Variants in CEP170B observed in about 807,000 individuals in gnomAD.
The protein encoded by CEP170B is centrosomal protein of 170 kDa protein B.
CEP170B carries 55 observed loss-of-function variants against 120.6 expected under a neutral mutation model. That is an observed-to-expected ratio of 0.46 (90% CI 0.37 to 0.57). The LOEUF (loss-of-function observed/expected upper bound fraction) is 0.57, where lower values mean the gene tolerates loss of function less well. Among genes scored for constraint, CEP170B ranks in the 20% least tolerant of loss-of-function variants. The pLI, the probability that CEP170B is intolerant of heterozygous loss-of-function variation, is 0.00. For missense variants in CEP170B, 2,212 were observed against 2,253.3 expected (o/e 0.98, Z 0.37); for synonymous variants, 1,033 against 954.5 (o/e 1.08, Z -1.52).
In CEP170B at chr14:104,896,428, A is replaced by C. The variant is rs1595366170; in HGVS notation, c.*1470A>C. 1.4e-5 allele frequency: 5 copies of C among 357,058 alleles called. No homozygotes were observed. Among genetic ancestry groups the C allele is most frequent in the South Asian group, 4.0e-5 (2 of 50,288 alleles). 22.1% of individuals were successfully genotyped at this position (357,058 alleles called of 1,614,324 possible). ...AGCCCGGTCCACCGGGCTGCTGCCC[A>C]CCCCTGCATGCCCCAGTTGCCCACC... On this transcript the variant is annotated 3_prime_UTR_variant, in exon 19 of 19. Coordinates refer to ENST00000414716, the MANE Select transcript of CEP170B (RefSeq NM_001112726.3).
intron 6 of CEP170B, among the ~76,000 whole-genome samples, chr14:104,882,415 G>A (rs1188919930): frequency 6.6e-6 from 1 of 152,136 alleles, no homozygotes; most frequent in Non-Finnish European, 1.5e-5. Context: ...CCATGCCCCA[G>A]GGGATGAGCC....
In CEP170B at chr14:104,893,565, GT is replaced by G. The variant is rs1896950496; in HGVS notation, c.4082del (p.Val1361GlyfsTer6). The G allele has an allele frequency of 6.2e-7, 1 of 1,605,458 alleles. No homozygotes were observed. Among genetic ancestry groups the G allele is most frequent in the Non-Finnish European group, 8.5e-7 (1 of 1,177,334 alleles). On this transcript the variant is annotated frameshift_variant, in exon 15 of 19. Coordinates refer to ENST00000414716, the MANE Select transcript of CEP170B (RefSeq NM_001112726.3). LOFTEE classifies it high-confidence loss of function. The stretch of plus-strand genomic sequence containing the variant: ...CGAGGCCAGCCTCAACTTCCAGAAG[GT>G]GCCGCCCGGCTCGCTGAACTCTCGG... The part of the protein sequence containing the change: ...IPEASLNFQK[V>X]PPGSLNSRDF...
At chr14:104,875,002 G>T (rs888538492) in intron 2 of CEP170B, among the ~76,000 whole-genome samples, 5 of 152,222 alleles carry the variant, frequency 3.3e-5, no homozygotes, top group Non-Finnish European at 7.3e-5. Context: ...TAGGAAGGAG[G>T]CCCTGCCCTG....
In CEP170B at chr14:104,878,469, G is replaced by A; in HGVS notation, c.301G>A (p.Val101Met). 2 of 1,612,406 alleles carry A rather than the reference G, an allele frequency of 1.2e-6. No individual in the cohort carries two copies. Among genetic ancestry groups the A allele is most frequent in the Non-Finnish European group, 1.7e-6 (2 of 1,179,770 alleles). The change falls in exon 5 of 19, where the codon GTG becomes ATG. Residue 101 changes from valine to methionine, a missense_variant. Physicochemically the swap from Val to Met is conservative, Grantham distance 21. Coordinates refer to ENST00000414716, the MANE Select transcript of CEP170B (RefSeq NM_001112726.3). ...TTCCAACATGTATGTGCTGGAGCGT[G>A]TGCAGCACCGAGTCCCGGAGGAGGC... The part of the protein sequence containing the change: ...YDSNMYVLER[V>M]QHRVPEEALK...
chr14:104,872,415 T>A (rs1190883435), intron 2 of CEP170B, among the ~76,000 whole-genome samples: 1 of 122,826 alleles, frequency 8.1e-6, no homozygotes, highest in East Asian at 2.4e-4. Flanking sequence ...GGGTGTGCCG[T>A]GGGTGTGCCG....
rs781177491 is a variant in CEP170B at position 104,886,399 on chromosome 14, G to T, written c.2160G>T (p.Arg720Ser). Residue 720 changes from arginine (R) to serine (S), a missense_variant, in exon 12 of 19, where the codon AGG (arginine) becomes AGT (serine). Coordinates refer to ENST00000414716, the MANE Select transcript of CEP170B (RefSeq NM_001112726.3). ...DSPAGPESSRRSGPGPPELDS... is the reference protein window; with the variant it reads ...DSPAGPESSRSSGPGPPELDS... ...CTGCGGGCCCAGAGAGCAGCAGGAG[G>T]AGTGGGCCTGGGCCACCGGAGCTGG... The T allele has an allele frequency of 6.3e-7, 1 of 1,582,830 alleles. No individual in the cohort carries two copies. The highest frequency in any genetic ancestry group is 8.6e-7 in the Non-Finnish European group (1 of 1,165,990).
At chr14:104,872,355 T>C (rs1230266783) in intron 2 of CEP170B, among the ~76,000 whole-genome samples, 2 of 80,778 alleles carry the variant, frequency 2.5e-5, no homozygotes, top group South Asian at 8.9e-4. Flanking sequence ...TGTGCGTGTG[T>C]GTGCCGCGTG....
rs1895601931 is a variant in CEP170B at position 104,872,428 on chromosome 14, C to CCAT, written c.106-3828_106-3827insCAT. Reference sequence around the variant, plus strand: ...GTGGGTGTGCCGTGGGTGTGCCGTGCGTGTGTGCGTGTGTGTGCCATGTGT... The same window carrying CCAT: ...GTGGGTGTGCCGTGGGTGTGCCGTGCCATGTGTGTGCGTGTGTGTGCCATGTGT... On this transcript the variant is annotated intron_variant, in intron 2 of 18. Transcript: ENST00000414716. Among the ~76,000 whole-genome samples the CCAT allele has an allele frequency of 8.2e-4, 24 of 29,220 alleles. 3 individuals are homozygous for CCAT. Among genetic ancestry groups the CCAT allele is most frequent in the African/African-American group, 1.9e-3 (23 of 11,858 alleles). 19.2% of individuals were successfully genotyped at this position (29,220 alleles called of 152,430 possible). A position where few individuals can be genotyped will look rare whatever the true frequency, so the allele number is the denominator to read the frequency against.
At chr14:104,892,491 C>A (rs543020513) in intron 13 of CEP170B, among the ~76,000 whole-genome samples, 6 of 151,852 alleles carry the variant, frequency 4.0e-5, no homozygotes, top group African/African-American at 1.5e-4. Context: ...CCAGCCCCCA[C>A]CCTCAGTGTG....
rs1212343419 is a variant in CEP170B, at chr14:104,868,830, T to C, written c.105+275T>C. ...GAGGGGGCTTAGGCTTTTGTCAGGT[T>C]CTCAAAGTTGTTGGGGTCCCTAGAA... On this transcript the variant is annotated intron_variant, in intron 2 of 18. Coordinates refer to ENST00000414716, the MANE Select transcript of CEP170B (RefSeq NM_001112726.3). The surrounding 1 kb of genome is among the most constrained non-coding windows in gnomAD (Gnocchi z 5.9). 6.6e-6 allele frequency among the ~76,000 whole-genome samples: 1 copy of C among 152,154 alleles called. No homozygotes were observed. Among genetic ancestry groups the C allele is most frequent in the Non-Finnish European group, 1.5e-5 (1 of 68,018 alleles).
chr14:104,872,330 G>A (rs1485680629), intron 2 of CEP170B, among the ~76,000 whole-genome samples: 1 of 129,818 alleles, frequency 7.7e-6, no homozygotes, highest in African/African-American at 3.0e-5. Flanking sequence ...GTGGGTGTGC[G>A]TGGGTGTGCG....
chr14:104,873,418 T>C (rs1458026569), intron 2 of CEP170B, among the ~76,000 whole-genome samples: 1 of 151,598 alleles, frequency 6.6e-6, no homozygotes, highest in Non-Finnish European at 1.5e-5. Context: ...AGCCTGACTG[T>C]GGCCTGGGTG....
intron 9 of CEP170B, 135 bp downstream of exon 9, chr14:104,884,684 G>A: frequency 9.2e-6 from 4 of 436,146 alleles, no homozygotes; most frequent in Non-Finnish European, 1.6e-5. Flanking sequence ...GAGCCCTCGT[G>A]GGGAACGGGG....
chr14:104,877,833 G>GCCCC, intron 3 of CEP170B, 52 bp from the exon 4 acceptor site: 24 of 359,742 alleles, frequency 6.7e-5, no homozygotes, highest in Admixed American at 2.9e-4. Flanking sequence ...CCTGCCCACA[G>GCCCC]CCACCCACCC....
In CEP170B at chr14:104,887,665, T is replaced by A; in HGVS notation, c.3426T>A (p.Gly1142=). The change falls in exon 12 of 19, where the codon GGT becomes GGA. Residue 1142 remains glycine, a synonymous_variant. Transcript: ENST00000414716. ...GDASDTEAAD[G]ERGSLGNPEP... ...CTTCAGACACTGAGGCTGCGGATGG[T>A]GAGCGGGGGTCCCTGGGCAACCCTG... 1.3e-6 allele frequency: 2 copies of A among 1,568,442 alleles called. No individual in the cohort carries two copies. Among genetic ancestry groups the A allele is most frequent in the Non-Finnish European group, 1.7e-6 (2 of 1,159,546 alleles).
intron 6 of CEP170B, among the ~76,000 whole-genome samples, chr14:104,881,289 C>T (rs1440113072): frequency 6.8e-6 from 1 of 147,354 alleles, no homozygotes; most frequent in Non-Finnish European, 1.5e-5. Context: ...GTGGAGGGGT[C>T]GGGGTGGGGT....
rs766330902 is a variant in CEP170B at position 104,870,366 on chromosome 14, C to G, written c.105+1811C>G. 1.3e-5 allele frequency among the ~76,000 whole-genome samples: 2 copies of G among 152,214 alleles called. No individual in the cohort carries two copies. The highest frequency in any genetic ancestry group is 2.9e-5 in the Non-Finnish European group (2 of 68,034). ...AGTTCTCAAGCCATCTAAAGACAGG[C>G]GGCAGGCCATAGGCCACGCCCCACA... On this transcript the variant is annotated intron_variant, in intron 2 of 18. Transcript: ENST00000414716. The surrounding 1 kb of genome is among the most constrained non-coding windows in gnomAD (Gnocchi z 4.1).
Position 104,880,357 on chromosome 14 carries a change from C to T in CEP170B, c.404C>T (p.Pro135Leu), listed in dbSNP as rs374526542. The T allele has an allele frequency of 8.1e-6, 13 of 1,612,366 alleles. No individual in the cohort carries two copies. Among genetic ancestry groups the T allele is most frequent in the Admixed American group, 3.3e-5 (2 of 59,906 alleles). ...GCGCCCAAGAGGAGCGAGGCACTGC[C>T]GGAACACACACCATACTGCGAGGCC... ...GLAPKRSEAL[P>L]EHTPYCEASN... The change falls in exon 6 of 19, where the codon CCG (proline) becomes CTG (leucine). Residue 135 changes from proline to leucine, a missense_variant. By Grantham distance (98) the Pro-to-Leu change is moderately conservative. Transcript: ENST00000414716.
chr14:104,877,983 CCCT>C lies in CEP170B; in HGVS notation c.274+27_274+29del. ...GCTACGATATCCTGCCCCTGAGCGT[CCCT>C]CCTCCTGGGCTTCTTCTCAGTCCCC... is the stretch of plus-strand genomic sequence containing the variant. On this transcript the variant is annotated intron_variant, in intron 4 of 18. Transcript: ENST00000414716. The C allele has an allele frequency of 6.3e-7, 1 of 1,584,914 alleles. No individual in the cohort carries two copies. The highest frequency in any genetic ancestry group is 1.3e-5 in the African/African-American group (1 of 74,524).
Sources: allele counts gnomAD v4.1 joint callset (sites outside exome capture counted in the v4.1 genomes callset), GRCh38; gene constraint gnomAD v4.1.1; non-coding constraint Gnocchi (gnomAD v3.1); transcripts MANE v1.5; gene names NCBI Gene and HGNC (gene_info 2026-07-23, HGNC 2026-07-21).